Variants in LAMB1 observed in about 807,000 individuals in gnomAD.
LAMB1 encodes the protein laminin subunit beta 1.
Under a neutral mutation model 222.3 loss-of-function variants are expected in LAMB1, and 121 were observed. The observed-to-expected ratio is 0.54, with a 90% CI of 0.47 to 0.63. The LOEUF is 0.63. LAMB1 is among the 30% of genes least tolerant of loss of function. The probability of loss-of-function intolerance (pLI) is 0.00; values close to 1 mark genes in which losing one functional copy is unlikely to be tolerated. For synonymous variants in LAMB1, 794 were observed against 807.2 expected, an observed-to-expected ratio of 0.98 and a Z score of 0.28; for missense variants, 2,172 against 2,240.8, an observed-to-expected ratio of 0.97 and a Z score of 0.62.
At chr7:108,002,815 C>T in intron 2 of LAMB1, 34 bp downstream of exon 2, 1 of 1,613,866 alleles carries the variant, frequency 6.2e-7, no homozygotes, top group Non-Finnish European at 8.5e-7. Flanking sequence ...TGCCCAAGTC[C>T]GTCCGCCTCC....
intron 22 of LAMB1, 135 bp from the exon 23 acceptor site, chr7:107,952,358 G>A (rs1188531051): frequency 7.6e-6 from 5 of 659,498 alleles, no homozygotes; most frequent in Non-Finnish European, 1.0e-5. Flanking sequence ...AAGAAATGGA[G>A]GTGATTCAAA....
intron 15 of LAMB1, among the ~76,000 whole-genome samples, chr7:107,961,963 G>A (rs2033514438): frequency 6.6e-6 from 1 of 152,066 alleles, no homozygotes; most frequent in Non-Finnish European, 1.5e-5. Flanking sequence ...TGCTTCAATA[G>A]CTTCCTGTGA....
Position 107,923,849 on chromosome 7 carries a change from A to G in LAMB1, c.*102T>C. 1 of 1,104,818 alleles carries G rather than the reference A, an allele frequency of 9.1e-7. No homozygotes were observed. The highest frequency in any genetic ancestry group is 1.3e-6 in the Non-Finnish European group (1 of 774,684). 68.4% of individuals were successfully genotyped at this position (1,104,818 alleles called of 1,614,324 possible). On this transcript the variant is annotated 3_prime_UTR_variant, in exon 34 of 34. Transcript: ENST00000222399. The stretch of plus-strand genomic sequence containing the variant: ...TTAACTCCATACAAAATGTGATTAA[A>G]AACATTAAATAGGTGATGTTTTATT...
At chr7:107,997,115 A>G (rs2034294469) in intron 4 of LAMB1, among the ~76,000 whole-genome samples, 2 of 152,230 alleles carry the variant, frequency 1.3e-5, no homozygotes, top group South Asian at 4.1e-4. Flanking sequence ...CCAATAGTCT[A>G]GAAAATATTG....
Position 107,924,106 on chromosome 7 carries a change from A to ATATG in LAMB1, c.5225-20_5225-19insCATA, listed in dbSNP as rs1554401746. On this transcript the variant is annotated intron_variant, in intron 33 of 33. Transcript: ENST00000222399. ...TCTAAATCTGTGGGGAGATATATAT[A>ATATG]TATAAAGTCTGAGCAATTTATACTA... 1 of 1,529,486 alleles carries ATATG rather than the reference A, an allele frequency of 6.5e-7. No individual in the cohort carries two copies. Among genetic ancestry groups the ATATG allele is most frequent in the South Asian group, 1.3e-5 (1 of 75,702 alleles). 94.7% of individuals were successfully genotyped at this position (1,529,486 alleles called of 1,614,324 possible). A position where few individuals can be genotyped will look rare whatever the true frequency, so the allele number is the denominator to read the frequency against.
rs1200228814 is a variant in LAMB1 at position 107,953,699 on chromosome 7, C to A, written c.2910G>T (p.Gly970=). Residue 970 remains glycine (G), a synonymous_variant, in exon 22 of 34, where the codon GGG becomes GGT. Transcript: ENST00000222399. ...GACACTGGCAAGGCTGACACGACCC[C>A]CCAACTTCTGATGGATTGCCAAAGT... is the stretch of plus-strand genomic sequence containing the variant. ...SGYFGNPSEV[G]GSCQPCQCHN... 1 of 1,614,132 alleles carries A rather than the reference C, an allele frequency of 6.2e-7. No individual in the cohort carries two copies. The highest frequency in any genetic ancestry group is 2.2e-5 in the East Asian group (1 of 44,870).
At chr7:107,955,388 C>CT in intron 21 of LAMB1, 79 bp downstream of exon 21, 4 of 1,306,158 alleles carry the variant, frequency 3.1e-6, no homozygotes, top group Non-Finnish European at 2.1e-6. Context: ...CACTTTGCAT[C>CT]TTTTTTTCTC....
chr7:107,933,610 A>C (rs1373134864), intron 27 of LAMB1, among the ~76,000 whole-genome samples: 1 of 152,186 alleles, frequency 6.6e-6, no homozygotes, highest in Non-Finnish European at 1.5e-5. Flanking sequence ...ATGGAAAAAA[A>C]AAAACACAGT....
chr7:107,956,785 C>T (rs1031944482), intron 20 of LAMB1, among the ~76,000 whole-genome samples: 3 of 152,186 alleles, frequency 2.0e-5, no homozygotes, highest in African/African-American at 7.2e-5. Context: ...CTGTGTTTGT[C>T]TCTCAGGTGG....
At chr7:107,994,304 A>G (rs1363990410) in intron 5 of LAMB1, among the ~76,000 whole-genome samples, 2 of 152,238 alleles carry the variant, frequency 1.3e-5, no homozygotes, top group Non-Finnish European at 2.9e-5. Flanking sequence ...TCCACATTTA[A>G]GAAGGCATTA....
rs1462802400 is a variant in LAMB1 at position 107,964,541 on chromosome 7, C to G, written c.1698+11G>C. 3.1e-6 allele frequency: 5 copies of G among 1,614,134 alleles called. No homozygotes were observed. Among genetic ancestry groups the G allele is most frequent in the Non-Finnish European group, 4.2e-6 (5 of 1,179,984 alleles). The stretch of plus-strand genomic sequence containing the variant: ...CTGCTTTACCGACCTGCCACACACT[C>G]CCCTACTCACAGGCCCCAAGTTGGC... On this transcript the variant is annotated intron_variant, in intron 14 of 33. Transcript: ENST00000222399.
intron 8 of LAMB1, among the ~76,000 whole-genome samples, chr7:107,980,241 T>G (rs553768491): frequency 1.4e-3 from 207 of 152,102 alleles, no homozygotes; most frequent in Non-Finnish European, 2.5e-3. Flanking sequence ...TTCTTTGGGT[T>G]GAGATCAATT....
At chr7:107,931,315 C>A in intron 29 of LAMB1, 41 bp downstream of exon 29, 1 of 1,559,744 alleles carries the variant, frequency 6.4e-7, no homozygotes, top group Non-Finnish European at 8.8e-7. Context: ...GAGAATCACA[C>A]AGAAACAAAT....
In LAMB1 at chr7:107,960,464, C is replaced by T. The variant is rs771333089; in HGVS notation, c.2295G>A (p.Leu765=). 8.1e-6 allele frequency: 13 copies of T among 1,614,066 alleles called. No homozygotes were observed. Among genetic ancestry groups the T allele is most frequent in the Non-Finnish European group, 1.1e-5 (13 of 1,179,964 alleles). ...ACCTACCCAGGCCTGTCTGGTGTAA[C>T]AGGGCAGAAATGCTAAAGATGATGT... ...CRNIIFSISA[L]LHQTGLACEC... is the part of the protein sequence containing the mutation. Residue 765 remains leucine (L), a synonymous_variant, in exon 18 of 34, where the codon CTG becomes CTA. Transcript: ENST00000222399.
chr7:107,959,166 G>A (rs1190492174), intron 20 of LAMB1, 83 bp downstream of exon 20: 2 of 1,042,936 alleles, frequency 1.9e-6, no homozygotes, highest in African/African-American at 3.1e-5. Context: ...AAGCCTGGTG[G>A]AGATGAATTC....
intron 5 of LAMB1, among the ~76,000 whole-genome samples, chr7:107,989,984 G>C (rs1445338099): frequency 2.0e-5 from 3 of 151,946 alleles, no homozygotes; most frequent in Admixed American, 6.6e-5. Flanking sequence ...CTGCACAGTT[G>C]CCTCCAAATT....
At chr7:107,953,917 G>C (rs1397126346) in intron 21 of LAMB1, among the ~76,000 whole-genome samples, 163 bp from the exon 22 acceptor site, 1 of 152,134 alleles carries the variant, frequency 6.6e-6, no homozygotes, top group East Asian at 1.9e-4. Context: ...GAAAGAATAG[G>C]CTTTGAGTTG....
chr7:107,977,613 C>T (rs2033893495), intron 9 of LAMB1, among the ~76,000 whole-genome samples: 1 of 152,042 alleles, frequency 6.6e-6, no homozygotes, highest in African/African-American at 2.4e-5. Flanking sequence ...CACGATGAAA[C>T]CTCTCCTCTA....
intron 7 of LAMB1, among the ~76,000 whole-genome samples, chr7:107,984,872 TA>T (rs143630923): frequency 6.6e-5 from 10 of 151,978 alleles, no homozygotes; most frequent in African/African-American, 2.4e-4. Context: ...ATAGTTATGC[TA>T]AAAAAAAGAA....
Sources: gnomAD v4.1 joint callset for allele counts (sites outside exome capture counted in the v4.1 genomes callset) on GRCh38, gnomAD v4.1.1 for gene constraint, MANE v1.5 for transcripts, NCBI Gene and HGNC (gene_info 2026-07-23, HGNC 2026-07-21) for gene names.